The following ZFP90 variants were observed in gnomAD, a reference collection of about 807,000 sequenced individuals.
The protein encoded by ZFP90 is zinc finger protein 90 homolog.
In ZFP90, 38 loss-of-function variants were observed where a neutral mutation model predicts 60.8. The ratio of observed to expected loss-of-function variants is 0.62; its 90% CI spans 0.48 to 0.82. The LOEUF (loss-of-function observed/expected upper bound fraction) is 0.82, where lower values mean the gene tolerates loss of function less well. ZFP90 is among the 40% of genes least tolerant of loss of function. ZFP90 has a pLI of 0.00. For missense variants in ZFP90, 711 were observed against 759.1 expected (o/e 0.94, Z 0.74); for synonymous variants, 287 against 264.8 (o/e 1.08, Z -0.82).
At chr16:68,568,741 C>T (rs975899098), downstream of ZFP90, among the ~76,000 whole-genome samples, 9 of 151,826 alleles carry the variant, frequency 5.9e-5, no homozygotes, top group South Asian at 1.0e-3. Flanking sequence ...TGCAGCAGTA[C>T]GATCTCAGCT....
intron 2 of ZFP90, among the ~76,000 whole-genome samples, chr16:68,534,250 A>C (rs1275271173): frequency 1.1e-5 from 1 of 94,158 alleles, no homozygotes; most frequent in Non-Finnish European, 2.1e-5. Context: ...TTTTTTTGAG[A>C]CAGCGTCTCA....
intron 4 of ZFP90, among the ~76,000 whole-genome samples, chr16:68,561,279 T>G (rs1391367005): frequency 1.3e-5 from 2 of 152,206 alleles, no homozygotes; most frequent in African/African-American, 4.8e-5. Flanking sequence ...CTCCCTGATT[T>G]AAAAGTTCCC....
Position 68,564,818 on chromosome 16 carries a change from T to G in ZFP90, c.*120T>G. The G allele has an allele frequency of 7.1e-7, 1 of 1,407,176 alleles. No individual in the cohort carries two copies. The allele number at this position is 1,407,176 out of a possible 1,614,324, so 87.2% of individuals were successfully genotyped here. On this transcript the variant is annotated 3_prime_UTR_variant, in exon 5 of 5. Coordinates refer to ENST00000563169, the MANE Select transcript of ZFP90 (RefSeq NM_001305203.2). ...TACGTGTGTGTTTATACGTTGTGTG[T>G]GGAGAAAACTGCCAGTAGACAGATT...
At position 68,564,401 on chromosome 16, in the gene ZFP90, A is replaced by G. The variant is rs762371443; in HGVS notation, c.1614A>G (p.Ser538=). 3.7e-6 allele frequency: 6 copies of G among 1,613,812 alleles called. No individual in the cohort carries two copies. The highest frequency in any genetic ancestry group is 2.5e-6 in the Non-Finnish European group (3 of 1,179,874). The change falls in exon 5 of 5, where the codon TCA becomes TCG. Residue 538 remains serine (S), a synonymous_variant. Transcript: ENST00000563169. ...NECGEAFSRR[S]SLTQHERTHT... ...GTGGAGAAGCCTTTAGTCGACGCTC[A>G]TCGCTTACTCAACATGAGAGAACCC... is the stretch of plus-strand genomic sequence containing the variant.
intron 2 of ZFP90, among the ~76,000 whole-genome samples, chr16:68,551,657 C>T (rs1000437001): frequency 3.9e-5 from 6 of 152,084 alleles, no homozygotes; most frequent in African/African-American, 1.4e-4. Context: ...GTGATCCACC[C>T]GCCTTGGCCT....
chr16:68,562,753 C>G, intron 4 of ZFP90: 1 of 570,320 alleles, frequency 1.8e-6, no homozygotes, highest in Non-Finnish European at 3.1e-6. Context: ...TGATCCTGTT[C>G]CATTTGTATC....
chr16:68,555,767 T>C (rs969656148), intron 2 of ZFP90, among the ~76,000 whole-genome samples: 14 of 152,120 alleles, frequency 9.2e-5, no homozygotes, highest in African/African-American at 1.2e-4. Context: ...GGAGATCTGC[T>C]AACTGGCACC....
chr16:68,545,190 A>G (rs983549453), intron 2 of ZFP90, among the ~76,000 whole-genome samples: 1 of 151,604 alleles, frequency 6.6e-6, no homozygotes, highest in Non-Finnish European at 1.5e-5. Context: ...ATGCACTCCT[A>G]TTATAATATT....
chr16:68,542,933 A>G (rs2091077726), intron 2 of ZFP90, among the ~76,000 whole-genome samples: 1 of 152,212 alleles, frequency 6.6e-6, no homozygotes, highest in Non-Finnish European at 1.5e-5. Context: ...GAGGACAGAC[A>G]GAAGAATTCA....
Position 68,560,442 on chromosome 16 carries a change from T to G in ZFP90, c.256+1874T>G, listed in dbSNP as rs149444109. ...TTCAAGGTTCAATCATGTTCTAGCA[T>G]GTATCAGTACATCATTCTTTTTTAC... On this transcript the variant is annotated intron_variant, in intron 4 of 4. Coordinates refer to ENST00000563169, the MANE Select transcript of ZFP90 (RefSeq NM_001305203.2). 3.4e-3 allele frequency among the ~76,000 whole-genome samples: 520 copies of G among 152,380 alleles called. 2 individuals are homozygous for G. The highest frequency in any genetic ancestry group is 0.012 in the African/African-American group (490 of 41,594).
chr16:68,537,269 G>A (rs1379578269), upstream of ZFP90, among the ~76,000 whole-genome samples: 1 of 152,018 alleles, frequency 6.6e-6, no homozygotes, highest in African/African-American at 2.4e-5. Context: ...GTGAGTACAG[G>A]CGCACGCCAC....
intron 2 of ZFP90, chr16:68,533,907 A>G (rs1469345831): frequency 1.3e-5 from 2 of 152,140 alleles, no homozygotes; most frequent in Non-Finnish European, 2.9e-5. Flanking sequence ...GGTGTTCTAT[A>G]GTTTCACTAT....
chr16:68,539,152 T>C (rs543561126), upstream of ZFP90: 4 of 152,392 alleles, frequency 2.6e-5, no homozygotes, highest in East Asian at 7.7e-4. Context: ...GCCGCCTCCC[T>C]CGGCCCTCGC....
At chr16:68,539,874 C>A (rs781205053) in intron 2 of ZFP90, 49 bp downstream of exon 2, 1 of 1,591,586 alleles carries the variant, frequency 6.3e-7, no homozygotes, top group Non-Finnish European at 8.5e-7. Context: ...ATCTATCCAT[C>A]CCATCTCCCA....
chr16:68,570,794 T>C (rs957467367), downstream of ZFP90, among the ~76,000 whole-genome samples: 2 of 152,246 alleles, frequency 1.3e-5, no homozygotes, highest in African/African-American at 4.8e-5. Context: ...GACCCTTTTT[T>C]TTTCACTTGG....
intron 2 of ZFP90, chr16:68,555,146 T>G (rs2091323256): frequency 6.6e-6 from 1 of 152,304 alleles, no homozygotes; most frequent in African/African-American, 2.4e-5. Context: ...TCTTTTGTGC[T>G]TTGAGCGCCT....
In ZFP90 at chr16:68,564,485, A is replaced by G. The variant is rs369130619; in HGVS notation, c.1698A>G (p.Ser566=). ...GTGGGAAAGCCTTTAGTCAAAGTTC[A>G]TCTCTCATTCAGCATGAGAGAACTC... The part of the protein sequence containing the change: ...IDCGKAFSQS[S]SLIQHERTHT... The change falls in exon 5 of 5, where the codon TCA becomes TCG. Residue 566 remains serine, a synonymous_variant. Coordinates refer to ENST00000563169, the MANE Select transcript of ZFP90 (RefSeq NM_001305203.2). 1 of 1,614,062 alleles carries G rather than the reference A, an allele frequency of 6.2e-7. No homozygotes were observed. Among genetic ancestry groups the G allele is most frequent in the Non-Finnish European group, 8.5e-7 (1 of 1,179,946 alleles).
rs374666680 is a variant in ZFP90, at chr16:68,564,538, A to G, written c.1751A>G (p.Asn584Ser). 4.3e-6 allele frequency: 7 copies of G among 1,614,062 alleles called. No individual in the cohort carries two copies. The highest frequency in any genetic ancestry group is 5.1e-6 in the Non-Finnish European group (6 of 1,179,942). Reference protein sequence around the residue: ...THTGEKPYECNECGRAFRKKT... With the variant: ...THTGEKPYECSECGRAFRKKT... ...ACTGGAGAGAAGCCCTATGAATGTA[A>G]TGAATGTGGGAGAGCCTTCCGAAAA... The change falls in exon 5 of 5, where the codon AAT (asparagine) becomes AGT (serine). Residue 584 changes from asparagine (N) to serine (S), a missense_variant. Asn to Ser is a conservative substitution (Grantham distance 46, BLOSUM62 1). Around this residue, in one of 5 missense-constraint regions of ZFP90, gnomAD observed 295 missense variants for 274.0 expected, o/e 1.08. Transcript: ENST00000563169.
chr16:68,567,253 T>C, downstream of ZFP90: 1 of 715,964 alleles, frequency 1.4e-6, no homozygotes, highest in African/African-American at 1.9e-5. Flanking sequence ...CTACCATTTA[T>C]TGAATGCTTA....
Sources: gnomAD v4.1 joint callset for allele counts (sites outside exome capture counted in the v4.1 genomes callset) on GRCh38, gnomAD v4.1.1 for gene constraint, gnomAD v4.1.1 regional missense constraint, MANE v1.5 for transcripts, NCBI Gene and HGNC (gene_info 2026-07-23, HGNC 2026-07-21) for gene names.